Variants in TRHDE observed in about 807,000 individuals in gnomAD.
TRHDE encodes the protein thyrotropin-releasing hormone-degrading ectoenzyme.
In TRHDE, 72 loss-of-function variants were observed where a neutral mutation model predicts 125.7. The observed-to-expected ratio is 0.57, with a 90% confidence interval of 0.47 to 0.70. The LOEUF is 0.70. TRHDE is among the 30% of genes least tolerant of loss of function. TRHDE has a pLI of 0.00. For synonymous variants in TRHDE, 509 were observed against 509.1 expected (o/e 1.00, Z 0.00); for missense variants, 1,110 against 1,327.1 (o/e 0.84, Z 2.54).
intron 5 of TRHDE, among the ~76,000 whole-genome samples, chr12:72,485,346 T>C (rs1171023195): frequency 6.6e-6 from 1 of 152,138 alleles, no homozygotes; most frequent in African/African-American, 2.4e-5. Context: ...GCCCACCTGG[T>C]AGCATGCCAT....
chr12:72,290,373 C>T (rs1880041218), intron 2 of TRHDE, among the ~76,000 whole-genome samples: 1 of 152,166 alleles, frequency 6.6e-6, no homozygotes, highest in Non-Finnish European at 1.5e-5. Context: ...TTGTTAATTA[C>T]CTTAACCTCT....
intron 3 of TRHDE, among the ~76,000 whole-genome samples, chr12:72,465,743 G>A (rs548811328): frequency 6.6e-6 from 1 of 152,238 alleles, no homozygotes; most frequent in Non-Finnish European, 1.5e-5. Context: ...TATCATATAA[G>A]ATTCCTTAAG....
chr12:72,504,262 G>A (rs1359794151), intron 6 of TRHDE, among the ~76,000 whole-genome samples: 13 of 151,972 alleles, frequency 8.6e-5, no homozygotes, highest in African/African-American at 3.1e-4. Flanking sequence ...GGAAGAATAA[G>A]CTGGATATGA....
intron 2 of TRHDE, among the ~76,000 whole-genome samples, chr12:72,313,482 T>C (rs1868645344): frequency 6.6e-6 from 1 of 152,128 alleles, no homozygotes; most frequent in African/African-American, 2.4e-5. Context: ...TAGCCCAAAA[T>C]ATATTATTGT....
chr12:72,397,831 T>A (rs11612435), intron 3 of TRHDE, among the ~76,000 whole-genome samples: 24,468 of 151,676 alleles, frequency 0.16, 3,024 homozygotes, highest in African/African-American at 0.34. Flanking sequence ...TTAATTAATT[T>A]ATTTATTTAT....
chr12:72,412,381 T>C (rs895371476), intron 3 of TRHDE, among the ~76,000 whole-genome samples: 2 of 152,164 alleles, frequency 1.3e-5, no homozygotes, highest in Non-Finnish European at 2.9e-5. Context: ...GAAATGCTAA[T>C]GTATTCTCAT....
chr12:72,582,274 C>T (rs1430399846), intron 12 of TRHDE: 3 of 983,444 alleles, frequency 3.1e-6, no homozygotes, highest in Non-Finnish European at 2.4e-6. Context: ...AGCATAATAG[C>T]CACTGAAAAT....
At chr12:72,346,991 T>A (rs1234688297) in intron 2 of TRHDE, among the ~76,000 whole-genome samples, 2 of 152,090 alleles carry the variant, frequency 1.3e-5, no homozygotes, top group Admixed American at 1.3e-4. Context: ...CACATGGTGT[T>A]CTCTGTGTGT....
intron 5 of TRHDE, among the ~76,000 whole-genome samples, chr12:72,498,556 A>G (rs1261766441): frequency 2.0e-5 from 3 of 152,044 alleles, no homozygotes; most frequent in Admixed American, 1.3e-4. Flanking sequence ...ATATTTTGCA[A>G]TTTCTTTTTT....
At chr12:72,620,541 T>C (rs1201022340) in intron 13 of TRHDE, among the ~76,000 whole-genome samples, 1 of 151,436 alleles carries the variant, frequency 6.6e-6, no homozygotes, top group Non-Finnish European at 1.5e-5. Context: ...CAAAAAATAG[T>C]GAGGGAGAGC....
At chr12:72,100,096 T>C (rs1393298999) in intron 1 of TRHDE, among the ~76,000 whole-genome samples, 1 of 152,174 alleles carries the variant, frequency 6.6e-6, no homozygotes, top group Non-Finnish European at 1.5e-5. Context: ...TTAGGAAATC[T>C]ATCTTTAAAG....
At chr12:72,617,451 G>A (rs780499814) in intron 12 of TRHDE, among the ~76,000 whole-genome samples, 9 of 152,026 alleles carry the variant, frequency 5.9e-5, no homozygotes, top group Admixed American at 1.3e-4. Context: ...TTATTTTAAC[G>A]AAGATGAAAA....
At chr12:72,362,809 A>G (rs1218068228) in intron 2 of TRHDE, among the ~76,000 whole-genome samples, 1 of 152,094 alleles carries the variant, frequency 6.6e-6, no homozygotes, top group Admixed American at 6.6e-5. Flanking sequence ...AGCACCATTT[A>G]TTAAATAGGG....
chr12:72,539,106 C>T (rs1433745584), intron 6 of TRHDE, among the ~76,000 whole-genome samples: 1 of 151,904 alleles, frequency 6.6e-6, no homozygotes, highest in African/African-American at 2.4e-5. Context: ...CTTATCCATC[C>T]TCCAAGGTTC....
intron 12 of TRHDE, among the ~76,000 whole-genome samples, chr12:72,601,352 A>C (rs1364149081): frequency 1.3e-5 from 2 of 152,142 alleles, no homozygotes; most frequent in African/African-American, 4.8e-5. Context: ...TGGATGAGCA[A>C]AGAAAGTGGC....
intron 2 of TRHDE, among the ~76,000 whole-genome samples, chr12:72,374,221 G>T (rs997394232): frequency 1.3e-5 from 2 of 151,844 alleles, no homozygotes; most frequent in African/African-American, 2.4e-5. Context: ...ACATACAGGG[G>T]TTGGGTATGG....
chr12:72,347,854 C>G (rs553478512), intron 2 of TRHDE, among the ~76,000 whole-genome samples: 2 of 151,908 alleles, frequency 1.3e-5, no homozygotes, highest in Non-Finnish European at 2.9e-5. Flanking sequence ...CCTCCCGTTA[C>G]TTTTGTCATA....
chr12:72,493,716 A>C (rs1877784443), intron 5 of TRHDE, among the ~76,000 whole-genome samples: 1 of 152,056 alleles, frequency 6.6e-6, no homozygotes, highest in South Asian at 2.1e-4. Context: ...CTCTGCCTTT[A>C]GCCACACAAA....
rs1875008451 is a variant in TRHDE, at chr12:72,663,712, A to G, written c.*517A>G. ...ACTAAAAACAGAAATGATATTCTCA[A>G]TTTTGGGCAATGTGAGAGGTAAAAT... is the stretch of plus-strand genomic sequence containing the variant. On this transcript the variant is annotated 3_prime_UTR_variant, in exon 19 of 19. Coordinates refer to ENST00000261180, the MANE Select transcript of TRHDE (RefSeq NM_013381.3). The G allele has an allele frequency of 6.6e-6, 1 of 152,560 alleles. No homozygotes were observed. Among genetic ancestry groups the G allele is most frequent in the African/African-American group, 2.4e-5 (1 of 41,448 alleles). The allele number at this position is 152,560 out of a possible 1,614,324, so 9.5% of individuals were successfully genotyped here.
Sources: gnomAD v4.1 joint callset for allele counts (sites outside exome capture counted in the v4.1 genomes callset) on GRCh38, gnomAD v4.1.1 for gene constraint, MANE v1.5 for transcripts, NCBI Gene and HGNC (gene_info 2026-07-23, HGNC 2026-07-21) for gene names.